The following BRWD3 variants were observed in gnomAD, a reference collection of about 807,000 sequenced individuals.
BRWD3 encodes bromodomain and WD repeat domain containing 3, also known as bromodomain and WD repeat-containing protein 3.
A neutral mutation model predicts 149.7 loss-of-function variants in BRWD3; 10 were observed. The ratio of observed to expected loss-of-function variants is 0.07; its 90% CI spans 0.04 to 0.11. The LOEUF (loss-of-function observed/expected upper bound fraction) is 0.11, where lower values mean the gene tolerates loss of function less well. Ranked by LOEUF, BRWD3 falls within the 10% of genes least tolerant of loss-of-function variation. BRWD3 has a pLI of 1.00. For synonymous variants in BRWD3, 504 were observed against 456.7 expected (o/e 1.10, Z -1.32); for missense variants, 940 against 1,373.2 (o/e 0.68, Z 4.99).
intron 25 of BRWD3, among the ~76,000 whole-genome samples, chrX:80,698,265 G>T (rs2072730363): frequency 8.9e-6 from 1 of 111,811 alleles, no homozygotes; most frequent in Admixed American, 9.5e-5. Flanking sequence ...TGGCAAAACT[G>T]ATCTTCATAG....
chrX:80,809,092 C>CT lies in BRWD3; in HGVS notation c.91-51_91-50insA, dbSNP rs1208529347. The CT allele has an allele frequency of 2.6e-6, 3 of 1,166,461 alleles. No homozygotes were observed. In the African/African-American group the frequency reaches 5.4e-5, roughly 21 times the overall value. On this transcript the variant is annotated intron_variant, in intron 2 of 40. Transcript: ENST00000373275. ...TGAGGAGCAGCTCGGGCCATCAACCCATTCCTCCCTCCACACTTAAAGCCC... is the reference window on the plus strand; with the variant it reads ...TGAGGAGCAGCTCGGGCCATCAACCCTATTCCTCCCTCCACACTTAAAGCCC...
In BRWD3 at chrX:80,691,098, G is replaced by A; in HGVS notation, c.3557C>T (p.Thr1186Ile). 8.3e-7 allele frequency: 1 copy of A among 1,209,623 alleles called. No individual in the cohort carries two copies. Among genetic ancestry groups the A allele is most frequent in the Non-Finnish European group, 1.1e-6 (1 of 893,973 alleles). Residue 1186 changes from threonine to isoleucine, a missense_variant, in exon 31 of 41, where the codon ACT becomes ATT. Around this residue, in one of 6 missense-constraint regions of BRWD3, gnomAD observed 349 missense variants for 419.6 expected, o/e 0.83. Transcript: ENST00000373275. ...PLYCTVVAYP[T>I]DLNTIRRRLE... ...TCTCCGCCTGATGGTATTGAGGTCA[G>A]TTGGATAAGCAACTACAGTACAATA...
chrX:80,759,966 T>TA (rs2073785698), intron 6 of BRWD3, among the ~76,000 whole-genome samples: 1 of 111,474 alleles, frequency 9.0e-6, no homozygotes, highest in Non-Finnish European at 1.9e-5. Flanking sequence ...TAAATGCACT[T>TA]AACATGCACT....
At chrX:80,723,601 T>C (rs1244913831) in intron 16 of BRWD3, 147 bp downstream of exon 16, 7 of 588,149 alleles carry the variant, frequency 1.2e-5, no homozygotes, top group Admixed American at 6.7e-5. Flanking sequence ...CAGATCACAA[T>C]TGAGAACCTT....
intron 36 of BRWD3, among the ~76,000 whole-genome samples, chrX:80,685,046 T>C (rs919797251): frequency 2.7e-5 from 3 of 111,576 alleles, no homozygotes; most frequent in Non-Finnish European, 5.7e-5. Context: ...TTTTCTTAAA[T>C]CATAAAAAAA....
chrX:80,713,052 G>A (rs1186474351), intron 20 of BRWD3, among the ~76,000 whole-genome samples: 3 of 108,270 alleles, frequency 2.8e-5, no homozygotes, highest in South Asian at 4.0e-4. Context: ...CAGCTGCCCC[G>A]TCTGGGAGGG....
chrX:80,772,787 A>G (rs940446129), intron 6 of BRWD3, among the ~76,000 whole-genome samples: 14 of 111,775 alleles, frequency 1.3e-4, no homozygotes, highest in African/African-American at 4.6e-4. Context: ...TAACCCTTAC[A>G]TAAATGTTCA....
intron 27 of BRWD3, 47 bp from the exon 28 acceptor site, chrX:80,693,098 C>T: frequency 2.0e-6 from 2 of 984,474 alleles, no homozygotes; most frequent in Non-Finnish European, 1.5e-6. Flanking sequence ...AGAATATTAG[C>T]TCTGTTCCCA....
intron 13 of BRWD3, among the ~76,000 whole-genome samples, chrX:80,729,499 G>A (rs1033801158): frequency 1.3e-4 from 14 of 111,627 alleles, no homozygotes; most frequent in Non-Finnish European, 2.1e-4. Flanking sequence ...TGATTAAGTG[G>A]ATATTTATTA....
chrX:80,794,612 G>T (rs2074218658), intron 4 of BRWD3, among the ~76,000 whole-genome samples: 2 of 110,083 alleles, frequency 1.8e-5, no homozygotes, highest in Middle Eastern at 4.8e-3. Context: ...ATCAGGAAGA[G>T]AATTTTTAAA....
chrX:80,682,364 A>G lies in BRWD3; in HGVS notation c.4397+101T>C, dbSNP rs935030599. The G allele has an allele frequency of 8.5e-6, 8 of 940,558 alleles. No homozygotes were observed. In the Middle Eastern group the frequency reaches 8.0e-4, roughly 94 times the overall value. The allele number at this position is 940,558 out of a possible 1,213,427, so 77.5% of individuals were successfully genotyped here. A position where few individuals can be genotyped will look rare whatever the true frequency, so the allele number is the denominator to read the frequency against. ...GAGTTTAGGAAACAAACAAAAAAAGACCTCTTGGGATCTCCCCAAATTATT... is the reference window on the plus strand; with the variant it reads ...GAGTTTAGGAAACAAACAAAAAAAGGCCTCTTGGGATCTCCCCAAATTATT... On this transcript the variant is annotated intron_variant, in intron 38 of 40. Coordinates refer to ENST00000373275, the MANE Select transcript of BRWD3 (RefSeq NM_153252.5).
At chrX:80,735,803 CAAA>C (rs571194692) in intron 9 of BRWD3, among the ~76,000 whole-genome samples, 182 bp downstream of exon 9, 2 of 45,499 alleles carry the variant, frequency 4.4e-5, no homozygotes, top group Admixed American at 2.9e-4. Flanking sequence ...GACTCTGTCT[CAAA>C]AAAAAAAAAA....
In BRWD3 at chrX:80,759,153, G is replaced by T. The variant is rs1471728835; in HGVS notation, c.431-13424C>A. On this transcript the variant is annotated intron_variant, in intron 6 of 40. Transcript: ENST00000373275. ...GGTTAAGATTGCAAAGACTACATTA[G>T]GTTTCTTAAAATGCTGCCTTATAGT... is the stretch of plus-strand genomic sequence containing the variant. 2.7e-5 allele frequency among the ~76,000 whole-genome samples: 3 copies of T among 111,630 alleles called. No homozygotes were observed. In the Admixed American group the frequency reaches 2.9e-4, roughly 11 times the overall value.
At chrX:80,757,274 C>T (rs1240252116) in intron 6 of BRWD3, among the ~76,000 whole-genome samples, 3 of 111,916 alleles carry the variant, frequency 2.7e-5, no homozygotes, top group Non-Finnish European at 5.6e-5. Flanking sequence ...TGGCAATACA[C>T]TTCTAAAAAC....
intron 20 of BRWD3, among the ~76,000 whole-genome samples, chrX:80,712,296 G>A (rs947652050): frequency 2.0e-4 from 22 of 109,852 alleles, no homozygotes; most frequent in Non-Finnish European, 9.5e-5. Flanking sequence ...TTGCAGGCAC[G>A]CGCCGCCACA....
intron 8 of BRWD3, among the ~76,000 whole-genome samples, chrX:80,743,294 T>C (rs2073544171): frequency 8.9e-6 from 1 of 111,914 alleles, no homozygotes; most frequent in South Asian, 3.7e-4. Context: ...TGGATTTGGT[T>C]TGCCAGTATT....
rs1478550776 is a variant in BRWD3, at chrX:80,720,878, TACCA to T, written c.1877-1226_1877-1223del. ...AGATATGCTTAGATATACAAATATGTACCATTGTATGTATAACTGTCTATGGTAT... is the reference window on the plus strand; with the variant it reads ...AGATATGCTTAGATATACAAATATGTTTGTATGTATAACTGTCTATGGTAT... On this transcript the variant is annotated intron_variant, in intron 17 of 40. Coordinates refer to ENST00000373275, the MANE Select transcript of BRWD3 (RefSeq NM_153252.5). 4.1e-3 allele frequency among the ~76,000 whole-genome samples: 458 copies of T among 112,150 alleles called. 2 individuals carry two copies. Among genetic ancestry groups the T allele is most frequent in the Non-Finnish European group, 7.4e-3 (392 of 53,196 alleles).
rs1006280842 is a variant in BRWD3, at chrX:80,692,117, T to A, written c.3297A>T (p.Pro1099=). The A allele has an allele frequency of 1.7e-6, 2 of 1,205,225 alleles. No homozygotes were observed. Among genetic ancestry groups the A allele is most frequent in the Non-Finnish European group, 2.2e-6 (2 of 891,629 alleles). ...CTTCTGGAATTGGCTCCATATCCCA[T>A]GGGCTCATCTTTTCTCTCTCATTAT... is the stretch of plus-strand genomic sequence containing the variant. ...WDNNEREKMS[P]WDMEPIPEGT... Residue 1099 remains proline, a synonymous_variant, in exon 29 of 41, where the codon CCA becomes CCT. Coordinates refer to ENST00000373275, the MANE Select transcript of BRWD3 (RefSeq NM_153252.5).
rs1469044354 is a variant in BRWD3 at position 80,691,131 on chromosome X, T to C, written c.3524A>G (p.Tyr1175Cys). The change falls in exon 31 of 41, where the codon TAC becomes TGC. Residue 1175 changes from tyrosine (Y) to cysteine (C), a missense_variant. Transcript: ENST00000373275. Reference protein sequence around the residue: ...PFAVPVDLSAYPLYCTVVAYP... With the variant: ...PFAVPVDLSACPLYCTVVAYP... Reference sequence around the variant, plus strand: ...AGCAACTACAGTACAATACAAGGGGTAGGCACTGAGATCCACTGGAACAGC... The same window carrying C: ...AGCAACTACAGTACAATACAAGGGGCAGGCACTGAGATCCACTGGAACAGC... The C allele has an allele frequency of 1.7e-6, 2 of 1,206,583 alleles. No individual in the cohort carries two copies. Among genetic ancestry groups the C allele is most frequent in the Non-Finnish European group, 2.2e-6 (2 of 891,826 alleles).
Sources: allele counts gnomAD v4.1 joint callset (sites outside exome capture counted in the v4.1 genomes callset), GRCh38; gene constraint gnomAD v4.1.1; regional missense constraint gnomAD v4.1.1; transcripts MANE v1.5; gene names NCBI Gene and HGNC (gene_info 2026-07-23, HGNC 2026-07-21).